ST18: variants seen among roughly 807,000 people sequenced by gnomAD.
The protein encoded by ST18 is ST18 C2H2C-type zinc finger transcription factor.
A neutral mutation model predicts 110.0 loss-of-function variants in ST18; 50 were observed. The ratio of observed to expected loss-of-function variants is 0.45; its 90% CI spans 0.36 to 0.58. The LOEUF (loss-of-function observed/expected upper bound fraction) is 0.58, where lower values mean the gene tolerates loss of function less well. Ranked by LOEUF, ST18 falls within the 20% of genes least tolerant of loss-of-function variation. The pLI is 0.00. For synonymous variants in ST18, 461 were observed against 452.4 expected, an observed-to-expected ratio of 1.02 and a Z score of -0.24; for missense variants, 1,306 against 1,280.1, an observed-to-expected ratio of 1.02 and a Z score of -0.31.
chr8:52,167,848 G>A (rs2063536222), intron 10 of ST18, among the ~76,000 whole-genome samples: 1 of 152,150 alleles, frequency 6.6e-6, no homozygotes, highest in African/African-American at 2.4e-5. Context: ...TGCATTTTCT[G>A]GGTGCCTGGG....
At chr8:52,197,830 G>A (rs1371258564) in intron 8 of ST18, among the ~76,000 whole-genome samples, 2 of 151,818 alleles carry the variant, frequency 1.3e-5, no homozygotes, top group Non-Finnish European at 2.9e-5. Context: ...ACAGCCTAGA[G>A]GGCAGACACG....
rs1004578442 is a variant in ST18, at chr8:52,409,634, C to T, written c.-676G>A. The T allele has an allele frequency of 2.0e-5, 3 of 152,192 alleles. No homozygotes were observed. The highest frequency in any genetic ancestry group is 7.2e-5 in the African/African-American group (3 of 41,452). The allele number at this position is 152,192 out of a possible 1,614,324, so 9.4% of individuals were successfully genotyped here. ...TGGCCTTATTAAAAGCCATGGTTTC[C>T]GAGATGTAAAACACCCACAGTTACC... On this transcript the variant is annotated 5_prime_UTR_variant, in exon 1 of 26. Transcript: ENST00000689386.
At chr8:52,360,096 T>C (rs1301022096) in intron 2 of ST18, among the ~76,000 whole-genome samples, 2 of 152,126 alleles carry the variant, frequency 1.3e-5, no homozygotes, top group Admixed American at 1.3e-4. Flanking sequence ...CATTCTTCTA[T>C]AGTTAAGGAA....
Position 52,159,078 on chromosome 8 carries a change from A to G in ST18, c.1626T>C (p.Pro542=). The change falls in exon 15 of 26, where the codon CCT becomes CCC. Residue 542 remains proline, a synonymous_variant. Coordinates refer to ENST00000689386, the MANE Select transcript of ST18 (RefSeq NM_001352837.2). ...GGGCGCCTGCACTAGGCAGTCGATTAGGAAATTTCACTGGATTTGGAAAAT... is the reference window on the plus strand; with the variant it reads ...GGGCGCCTGCACTAGGCAGTCGATTGGGAAATTTCACTGGATTTGGAAAAT... ...SKHFPNPVKF[P]NRLPSAGAHT... is the part of the protein sequence containing the mutation. 2 of 1,614,124 alleles carry G rather than the reference A, an allele frequency of 1.2e-6. No individual in the cohort carries two copies. The highest frequency in any genetic ancestry group is 1.7e-6 in the Non-Finnish European group (2 of 1,180,014).
In ST18 at chr8:52,196,686, G is replaced by A. The variant is rs147382643; in HGVS notation, c.86+15393C>T. 3.0e-4 allele frequency among the ~76,000 whole-genome samples: 45 copies of A among 152,202 alleles called. No individual in the cohort carries two copies. The East Asian group carries it at 6.8e-3, about 23-fold the overall frequency. ...GTTGTTAATGTCTTTATGTGCCTAC[G>A]TTATAAATTAAACTTTATCATAGGT... is the stretch of plus-strand genomic sequence containing the variant. On this transcript the variant is annotated intron_variant, in intron 8 of 25. Coordinates refer to ENST00000689386, the MANE Select transcript of ST18 (RefSeq NM_001352837.2).
At chr8:52,222,127 G>A (rs2087003820) in intron 3 of ST18, 1 of 152,098 alleles carries the variant, frequency 6.6e-6, no homozygotes, top group Non-Finnish European at 1.5e-5. Context: ...ATCGTGTTAT[G>A]TATTTATTAG....
At chr8:52,258,886 A>G (rs2094600443) in intron 2 of ST18, among the ~76,000 whole-genome samples, 1 of 152,204 alleles carries the variant, frequency 6.6e-6, no homozygotes. Context: ...AGCATTTTCA[A>G]CTTAAAAAGC....
chr8:52,299,973 A>T (rs2095692060), intron 2 of ST18, among the ~76,000 whole-genome samples: 2 of 152,198 alleles, frequency 1.3e-5, no homozygotes, highest in Admixed American at 1.3e-4. Flanking sequence ...ATCAAAACAG[A>T]AGCTCTAGAC....
At chr8:52,115,702 C>T (rs780683316) in intron 25 of ST18, among the ~76,000 whole-genome samples, 8 of 152,144 alleles carry the variant, frequency 5.3e-5, no homozygotes, top group Non-Finnish European at 7.3e-5. Flanking sequence ...TTTCTTAGAA[C>T]GTGTGCCCAT....
At chr8:52,353,822 C>T (rs1179131457) in intron 2 of ST18, among the ~76,000 whole-genome samples, 1 of 152,206 alleles carries the variant, frequency 6.6e-6, no homozygotes, top group East Asian at 1.9e-4. Context: ...TCTCCCTTCG[C>T]CTCTGCTGTA....
At chr8:52,130,630 T>C (rs1314627440) in intron 22 of ST18, among the ~76,000 whole-genome samples, 1 of 152,232 alleles carries the variant, frequency 6.6e-6, no homozygotes, top group South Asian at 2.1e-4. Context: ...TGTTTTCAAA[T>C]TGACTCTTTA....
chr8:52,322,693 A>G (rs1473881309), intron 2 of ST18, among the ~76,000 whole-genome samples: 2 of 152,206 alleles, frequency 1.3e-5, no homozygotes, highest in African/African-American at 2.4e-5. Context: ...ATTTCTTTCC[A>G]GTAGAGTAGA....
At chr8:52,267,201 A>C (rs1485713550) in intron 2 of ST18, among the ~76,000 whole-genome samples, 1 of 151,954 alleles carries the variant, frequency 6.6e-6, no homozygotes, top group African/African-American at 2.4e-5. Context: ...GTAAGACCCT[A>C]GGAGGTGAGG....
At position 52,215,632 on chromosome 8, in the gene ST18, T is replaced by A. The variant is rs144834717; in HGVS notation, c.1-1375A>T. Among the ~76,000 whole-genome samples the A allele has an allele frequency of 2.5e-3, 378 of 152,390 alleles. 1 individual carries two copies. Among genetic ancestry groups the A allele is most frequent in the African/African-American group, 7.5e-3 (313 of 41,598 alleles). On this transcript the variant is annotated intron_variant, in intron 6 of 25. Coordinates refer to ENST00000689386, the MANE Select transcript of ST18 (RefSeq NM_001352837.2). ...TGCCTTTGCTGAACAGCAGTTGCTA[T>A]AGTCTAAATAAAATGGTCCATTGTT... is the stretch of plus-strand genomic sequence containing the variant.
chr8:52,280,016 G>A (rs1311557724), intron 2 of ST18, among the ~76,000 whole-genome samples: 1 of 152,128 alleles, frequency 6.6e-6, no homozygotes, highest in Admixed American at 6.5e-5. Flanking sequence ...AAATATTAAA[G>A]TTTGAAAATA....
intron 2 of ST18, among the ~76,000 whole-genome samples, chr8:52,271,735 C>T (rs1251413403): frequency 6.6e-6 from 1 of 152,210 alleles, no homozygotes; most frequent in Non-Finnish European, 1.5e-5. Flanking sequence ...ATTTTTTACA[C>T]AACTGCTGTG....
chr8:52,260,696 C>T (rs2094663239), intron 2 of ST18, among the ~76,000 whole-genome samples: 1 of 152,172 alleles, frequency 6.6e-6, no homozygotes, highest in South Asian at 2.1e-4. Context: ...TGCACACTTC[C>T]TTCTTCTATA....
At chr8:52,130,082 G>GAGAA (rs1221522082) in intron 22 of ST18, among the ~76,000 whole-genome samples, 1 of 99,906 alleles carries the variant, frequency 1.0e-5, no homozygotes, top group Non-Finnish European at 2.1e-5. Flanking sequence ...GAGAGAGAGA[G>GAGAA]AGAAAGAAAG....
chr8:52,141,690 C>T (rs1456193220), intron 17 of ST18, among the ~76,000 whole-genome samples: 1 of 152,122 alleles, frequency 6.6e-6, no homozygotes, highest in Non-Finnish European at 1.5e-5. Context: ...GTGGGCCCTG[C>T]AGAAGCCTTG....
Sources: allele counts gnomAD v4.1 joint callset (sites outside exome capture counted in the v4.1 genomes callset), GRCh38; gene constraint gnomAD v4.1.1; transcripts MANE v1.5; gene names NCBI Gene and HGNC (gene_info 2026-07-23, HGNC 2026-07-21).